EBF1: variants seen among roughly 807,000 people sequenced by gnomAD.
The protein encoded by EBF1 is transcription factor COE1.
A neutral mutation model predicts 68.4 loss-of-function variants in EBF1; 10 were observed. That is an observed-to-expected ratio of 0.15 (90% CI 0.09 to 0.25). The LOEUF (loss-of-function observed/expected upper bound fraction) is 0.25, where lower values mean the gene tolerates loss of function less well. Among genes scored for constraint, EBF1 ranks in the 10% least tolerant of loss-of-function variants. The pLI, the probability that EBF1 is intolerant of heterozygous loss-of-function variation, is 1.00. For missense variants in EBF1, 509 were observed against 794.4 expected (o/e 0.64, Z 4.32); for synonymous variants, 298 against 299.8 (o/e 0.99, Z 0.06).
intron 6 of EBF1, among the ~76,000 whole-genome samples, chr5:159,005,845 G>A (rs1317772344): frequency 6.6e-6 from 1 of 152,136 alleles, no homozygotes; most frequent in African/African-American, 2.4e-5. Flanking sequence ...CCCTACCCCT[G>A]AAATCTAGTC....
intron 10 of EBF1, among the ~76,000 whole-genome samples, chr5:158,735,774 T>C (rs989480348): frequency 3.3e-5 from 5 of 152,226 alleles, no homozygotes; most frequent in African/African-American, 1.2e-4. Flanking sequence ...TTTAGGTTCC[T>C]TCCGGATCTC....
intron 7 of EBF1, among the ~76,000 whole-genome samples, chr5:158,826,455 A>G (rs1288435681): frequency 6.6e-6 from 1 of 152,166 alleles, no homozygotes; most frequent in Non-Finnish European, 1.5e-5. Context: ...GAATTTTTTT[A>G]TCATTGCAGA....
chr5:158,834,967 C>G (rs1049616278), intron 7 of EBF1, among the ~76,000 whole-genome samples: 1 of 152,222 alleles, frequency 6.6e-6, no homozygotes, highest in Non-Finnish European at 1.5e-5. Flanking sequence ...GTAAAAGCCA[C>G]ATTGACATGT....
intron 10 of EBF1, among the ~76,000 whole-genome samples, chr5:158,754,978 C>T (rs1769734136): frequency 1.3e-5 from 2 of 152,040 alleles, no homozygotes; most frequent in Admixed American, 1.3e-4. Context: ...TCAAATCTCT[C>T]ATGAGAGGTC....
intron 6 of EBF1, among the ~76,000 whole-genome samples, chr5:158,905,017 T>A (rs1804275645): frequency 6.6e-6 from 1 of 152,208 alleles, no homozygotes; most frequent in Non-Finnish European, 1.5e-5. Context: ...ATTATTCACA[T>A]CTCACAGCAT....
chr5:158,821,040 C>T (rs1784711487), intron 8 of EBF1, among the ~76,000 whole-genome samples: 1 of 152,176 alleles, frequency 6.6e-6, no homozygotes, highest in Non-Finnish European at 1.5e-5. Context: ...CCCTTAGCAA[C>T]AACTGGCTGG....
intron 6 of EBF1, among the ~76,000 whole-genome samples, chr5:159,023,663 C>T (rs950070875): frequency 5.9e-5 from 9 of 152,152 alleles, no homozygotes; most frequent in Admixed American, 5.2e-4. Context: ...TGTTACGTTG[C>T]CTTTTACTCG....
intron 10 of EBF1, among the ~76,000 whole-genome samples, chr5:158,741,189 T>C (rs1422869294): frequency 6.6e-6 from 1 of 152,244 alleles, no homozygotes; most frequent in African/African-American, 2.4e-5. Flanking sequence ...ACCTTCATTT[T>C]TGATTCCATA....
At chr5:158,753,164 A>G (rs969300648) in intron 10 of EBF1, among the ~76,000 whole-genome samples, 5 of 152,090 alleles carry the variant, frequency 3.3e-5, no homozygotes, top group African/African-American at 9.7e-5. Context: ...ACAGGATAAT[A>G]TAATTGAGCT....
chr5:158,755,882 A>G (rs568282098), intron 10 of EBF1, among the ~76,000 whole-genome samples: 7 of 152,314 alleles, frequency 4.6e-5, no homozygotes, highest in African/African-American at 1.7e-4. Context: ...GTGAAAGATC[A>G]CCTATGATTC....
chr5:158,722,474 C>T (rs112987405), intron 11 of EBF1, among the ~76,000 whole-genome samples: 2 of 152,154 alleles, frequency 1.3e-5, no homozygotes, highest in East Asian at 1.9e-4. Context: ...TGTACACATA[C>T]GTGGATGTGT....
chr5:158,820,195 C>A (rs1361693244), intron 8 of EBF1, among the ~76,000 whole-genome samples: 1 of 150,980 alleles, frequency 6.6e-6, no homozygotes, highest in Non-Finnish European at 1.5e-5. Flanking sequence ...TGGGGGAGAA[C>A]GTAGGTTCCC....
In EBF1 at chr5:158,712,204, C is replaced by T. The variant is rs1759522294; in HGVS notation, c.1499G>A (p.Gly500Asp). Residue 500 changes from glycine to aspartate, a missense_variant, in exon 14 of 16, where the codon GGC (glycine) becomes GAC (aspartate). Gly to Asp is a moderately conservative substitution (Grantham distance 94, BLOSUM62 -1). Around this residue, in one of 3 missense-constraint regions of EBF1, gnomAD observed 205 missense variants for 247.4 expected, o/e 0.83. Coordinates refer to ENST00000313708, the MANE Select transcript of EBF1 (RefSeq NM_024007.5). Reference protein sequence around the residue: ...GYGSAAMSNLGGSPTFLNGSA... With the variant: ...GYGSAAMSNLDGSPTFLNGSA... ...GCCGTTGAGGAAGGTGGGGGAGCCG[C>T]CCAAATTGGACATTGCGGCAGAGCC... 2 of 1,613,790 alleles carry T rather than the reference C, an allele frequency of 1.2e-6. No homozygotes were observed. Among genetic ancestry groups the T allele is most frequent in the Non-Finnish European group, 1.7e-6 (2 of 1,179,882 alleles).
At chr5:158,743,542 G>T (rs752955242) in intron 10 of EBF1, among the ~76,000 whole-genome samples, 11 of 152,156 alleles carry the variant, frequency 7.2e-5, no homozygotes, top group Non-Finnish European at 1.3e-4. Flanking sequence ...TAAAATGAAG[G>T]TTGGCTCTTA....
intron 7 of EBF1, among the ~76,000 whole-genome samples, chr5:158,836,650 C>A (rs1443982878): frequency 1.3e-5 from 2 of 152,094 alleles, no homozygotes; most frequent in Non-Finnish European, 2.9e-5. Context: ...TGCATGAAAC[C>A]CAATGTTGGT....
chr5:158,839,918 C>T (rs1789792958), intron 7 of EBF1, 111 bp downstream of exon 7: 1 of 1,003,024 alleles, frequency 1.0e-6, no homozygotes, highest in South Asian at 1.4e-5. Flanking sequence ...AGGGCCTCAG[C>T]TGCTCTTCAC....
At chr5:158,883,435 T>TAC (rs751017162) in intron 6 of EBF1, among the ~76,000 whole-genome samples, 10 of 150,512 alleles carry the variant, frequency 6.6e-5, no homozygotes, top group East Asian at 1.9e-4. Flanking sequence ...TATATATATA[T>TAC]ACACATACAC....
At chr5:158,979,546 A>C (rs1233599809) in intron 6 of EBF1, among the ~76,000 whole-genome samples, 1 of 152,172 alleles carries the variant, frequency 6.6e-6, no homozygotes, top group Non-Finnish European at 1.5e-5. Flanking sequence ...CAGCCAGCTT[A>C]TTGTAAGACA....
rs148420130 is a variant in EBF1, at chr5:159,098,520, G to T, written c.134+825C>A. ...AGAAGACTCAGGGGAGAAATGGGACGAAAAAACAGGAAAGCCAGAGAGGTA... is the reference window on the plus strand; with the variant it reads ...AGAAGACTCAGGGGAGAAATGGGACTAAAAAACAGGAAAGCCAGAGAGGTA... On this transcript the variant is annotated intron_variant, in intron 1 of 15. Transcript: ENST00000313708. 2.1e-3 allele frequency among the ~76,000 whole-genome samples: 315 copies of T among 151,768 alleles called. 1 individual carries two copies. Among genetic ancestry groups the T allele is most frequent in the Non-Finnish European group, 3.2e-3 (220 of 67,934 alleles).
Sources: allele counts gnomAD v4.1 joint callset (sites outside exome capture counted in the v4.1 genomes callset), GRCh38; gene constraint gnomAD v4.1.1; regional missense constraint gnomAD v4.1.1; transcripts MANE v1.5; gene names NCBI Gene and HGNC (gene_info 2026-07-23, HGNC 2026-07-21).